Variants in ALK observed in about 807,000 individuals in gnomAD.
ALK encodes ALK tyrosine kinase receptor.
A neutral mutation model predicts 163.1 loss-of-function variants in ALK; 74 were observed. The ratio of observed to expected loss-of-function variants is 0.45; its 90% confidence interval spans 0.38 to 0.55. The LOEUF is 0.55. ALK is among the 20% of genes least tolerant of loss of function. The probability of loss-of-function intolerance (pLI) is 0.00; values close to 1 mark genes in which losing one functional copy is unlikely to be tolerated. For missense variants in ALK, 2,063 were observed against 2,105.3 expected, an observed-to-expected ratio of 0.98 and a Z score of 0.39; for synonymous variants, 960 against 843.2, an observed-to-expected ratio of 1.14 and a Z score of -2.40.
chr2:29,823,628 G>A (rs1665112464), intron 1 of ALK, among the ~76,000 whole-genome samples: 1 of 152,308 alleles, frequency 6.6e-6, no homozygotes, highest in South Asian at 2.1e-4. Context: ...GTGGCATTTT[G>A]CCCCTGGTCC....
chr2:29,232,127 C>T (rs535082437), intron 15 of ALK, among the ~76,000 whole-genome samples, 177 bp downstream of exon 15: 1 of 152,260 alleles, frequency 6.6e-6, no homozygotes, highest in East Asian at 1.9e-4. Flanking sequence ...AGCAAGATGG[C>T]CTGCAGGGCT....
At chr2:29,349,088 CAGAGTA>C (rs1220068947) in intron 5 of ALK, among the ~76,000 whole-genome samples, 1 of 152,182 alleles carries the variant, frequency 6.6e-6, no homozygotes, top group Non-Finnish European at 1.5e-5. Flanking sequence ...GTGCCTAACA[CAGAGTA>C]AGTCTTGATG....
chr2:29,633,161 A>C (rs1387784530), intron 3 of ALK, among the ~76,000 whole-genome samples: 1 of 91,274 alleles, frequency 1.1e-5, no homozygotes, highest in African/African-American at 3.2e-5. Flanking sequence ...TGGTGGACTA[A>C]GTCCATGATG....
intron 9 of ALK, among the ~76,000 whole-genome samples, chr2:29,292,204 T>C (rs1666046892): frequency 6.6e-6 from 1 of 152,242 alleles, no homozygotes; most frequent in African/African-American, 2.4e-5. Flanking sequence ...TGCACAGGTG[T>C]GATAAGTTGT....
intron 11 of ALK, among the ~76,000 whole-genome samples, chr2:29,253,632 G>C (rs903107003): frequency 1.4e-4 from 22 of 152,140 alleles, no homozygotes; most frequent in African/African-American, 5.3e-4. Flanking sequence ...GAGGAGGGAT[G>C]GGGGCAGGGA....
intron 1 of ALK, among the ~76,000 whole-genome samples, chr2:29,912,469 TA>T (rs1262527523): frequency 2.0e-5 from 3 of 152,076 alleles, no homozygotes; most frequent in African/African-American, 7.2e-5. Context: ...CTGAACCTAG[TA>T]AAAATATCCT....
At chr2:29,197,510 A>C (rs2148143086) in intron 27 of ALK, 32 bp downstream of exon 27, 1 of 1,611,532 alleles carries the variant, frequency 6.2e-7, no homozygotes. Context: ...ACTGCTTAGT[A>C]ACTAGCAGAA....
chr2:29,400,276 T>G (rs1669412391), intron 4 of ALK, among the ~76,000 whole-genome samples: 1 of 152,210 alleles, frequency 6.6e-6, no homozygotes, highest in African/African-American at 2.4e-5. Flanking sequence ...TTAAAATTAG[T>G]GATAAATATA....
chr2:29,199,205 C>T (rs1223590541), intron 26 of ALK, among the ~76,000 whole-genome samples: 2 of 152,144 alleles, frequency 1.3e-5, no homozygotes, highest in Non-Finnish European at 1.5e-5. Flanking sequence ...CCACCCACCT[C>T]GGCCTCCCAA....
chr2:29,283,049 A>G (rs1665754809), intron 9 of ALK, among the ~76,000 whole-genome samples: 1 of 152,174 alleles, frequency 6.6e-6, no homozygotes, highest in Non-Finnish European at 1.5e-5. Flanking sequence ...TCCTGGAGCC[A>G]TGGTCCAGCA....
intron 4 of ALK, among the ~76,000 whole-genome samples, chr2:29,494,981 C>T (rs10178407): frequency 0.38 from 58,321 of 151,884 alleles, 11,539 homozygotes; most frequent in East Asian, 0.66. Context: ...ACATAGATAT[C>T]GCTCACCTGC....
chr2:29,403,004 T>G (rs1313250829), intron 4 of ALK, among the ~76,000 whole-genome samples: 1 of 152,186 alleles, frequency 6.6e-6, no homozygotes, highest in Non-Finnish European at 1.5e-5. Context: ...GGGGGCATGG[T>G]GCTTTCTGCA....
Position 29,239,712 on chromosome 2 carries a change from C to T in ALK, c.2323G>A (p.Val775Ile). Residue 775 changes from valine to isoleucine, a missense_variant, in exon 13 of 29, where the codon GTT becomes ATT. By Grantham distance (29) the Val-to-Ile change is conservative. This residue lies in a region of ALK where 575 missense variants were observed against 626.6 expected (regional missense o/e 0.92). Transcript: ENST00000389048. The stretch of plus-strand genomic sequence containing the variant: ...CAGGCGTCCTCTCCCTGCTGCCCAA[C>T]CAGGATGTACAGCATGTCATCCTTC... ...LEKDDMLYIL[V>I]GQQGEDACPS... 6.2e-7 allele frequency: 1 copy of T among 1,614,082 alleles called. No homozygotes were observed. The highest frequency in any genetic ancestry group is 8.5e-7 in the Non-Finnish European group (1 of 1,180,040).
chr2:29,402,237 G>A (rs1344633919), intron 4 of ALK, among the ~76,000 whole-genome samples: 1 of 152,254 alleles, frequency 6.6e-6, no homozygotes, highest in Admixed American at 6.5e-5. Context: ...GGGGGGCCAG[G>A]GGCTGGCTAA....
In ALK at chr2:29,765,052, C is replaced by T. The variant is rs77787099; in HGVS notation, c.668-47355G>A. 7.7e-3 allele frequency among the ~76,000 whole-genome samples: 1,166 copies of T among 152,274 alleles called. 15 individuals are homozygous for T. Among genetic ancestry groups the T allele is most frequent in the African/African-American group, 0.027 (1,132 of 41,542 alleles). ...GCTCTGGCCACATATGACGTGCCTGCTTCCCCTTTGCTTTCTGCTATGATT... is the reference window on the plus strand; with the variant it reads ...GCTCTGGCCACATATGACGTGCCTGTTTCCCCTTTGCTTTCTGCTATGATT... On this transcript the variant is annotated intron_variant, in intron 1 of 28. Coordinates refer to ENST00000389048, the MANE Select transcript of ALK (RefSeq NM_004304.5).
chr2:29,778,094 C>T (rs17008696), intron 1 of ALK, among the ~76,000 whole-genome samples: 1,873 of 152,316 alleles, frequency 0.012, 47 homozygotes, highest in African/African-American at 0.043. Context: ...TCTTCAATAG[C>T]TCCAGTTATC....
In ALK at chr2:29,755,112, T is replaced by G. The variant is rs186676808; in HGVS notation, c.668-37415A>C. ...CAACTCTGGGAGTGGGAGGCTGAAG[T>G]GACAGTAGGGGGTCAGTGAGGAACC... On this transcript the variant is annotated intron_variant, in intron 1 of 28. Coordinates refer to ENST00000389048, the MANE Select transcript of ALK (RefSeq NM_004304.5). Among the ~76,000 whole-genome samples, 80 of 152,280 alleles carry G rather than the reference T, an allele frequency of 5.3e-4. 1 individual carries two copies. Among genetic ancestry groups the G allele is most frequent in the Non-Finnish European group, 1.0e-3 (71 of 68,006 alleles).
intron 4 of ALK, among the ~76,000 whole-genome samples, chr2:29,456,257 A>G (rs1189620076): frequency 6.6e-6 from 1 of 152,202 alleles, no homozygotes; most frequent in South Asian, 2.1e-4. Context: ...AGTCAAATAG[A>G]TATTTGTACA....
intron 4 of ALK, among the ~76,000 whole-genome samples, chr2:29,423,570 G>T (rs978447232): frequency 9.2e-5 from 14 of 152,210 alleles, no homozygotes; most frequent in Admixed American, 8.5e-4. Context: ...GACCAAGCTG[G>T]TGTTTACTGG....
Sources: gnomAD v4.1 joint callset for allele counts (sites outside exome capture counted in the v4.1 genomes callset) on GRCh38, gnomAD v4.1.1 for gene constraint, gnomAD v4.1.1 regional missense constraint, MANE v1.5 for transcripts, NCBI Gene and HGNC (gene_info 2026-07-23, HGNC 2026-07-21) for gene names.